KIAA1217: variants seen among roughly 807,000 people sequenced by gnomAD.
KIAA1217 encodes the protein sickle tail protein homolog.
Under a neutral mutation model 163.9 loss-of-function variants are expected in KIAA1217, and 88 were observed. The observed-to-expected ratio is 0.54, with a 90% confidence interval of 0.45 to 0.64. The LOEUF (loss-of-function observed/expected upper bound fraction) is 0.64, where lower values mean the gene tolerates loss of function less well. Among genes scored for constraint, KIAA1217 ranks in the 30% least tolerant of loss-of-function variants. The pLI, the probability that KIAA1217 is intolerant of heterozygous loss-of-function variation, is 0.00. For synonymous variants in KIAA1217, 903 were observed against 923.1 expected (o/e 0.98, Z 0.39); for missense variants, 2,372 against 2,475.0 (o/e 0.96, Z 0.88).
intron 1 of KIAA1217, among the ~76,000 whole-genome samples, chr10:23,851,616 T>G (rs1374493983): frequency 2.0e-5 from 3 of 152,270 alleles, no homozygotes; most frequent in Middle Eastern, 3.4e-3. Context: ...TGAACTAGTT[T>G]ACAGTCCCAC....
At chr10:23,866,436 C>A (rs1840188652) in intron 1 of KIAA1217, among the ~76,000 whole-genome samples, 2 of 152,150 alleles carry the variant, frequency 1.3e-5, no homozygotes, top group African/African-American at 4.8e-5. Context: ...TTTCTAAAGA[C>A]ATGATGTTTC....
chr10:24,004,073 G>A (rs966643654), intron 1 of KIAA1217, among the ~76,000 whole-genome samples: 2 of 152,038 alleles, frequency 1.3e-5, no homozygotes, highest in African/African-American at 4.8e-5. Context: ...TCGGCTTCCC[G>A]GTTCCAAGCG....
chr10:24,433,271 G>T (rs3215904), intron 4 of KIAA1217, 78 bp downstream of exon 4: 157,529 of 1,021,524 alleles, frequency 0.15, 14,359 homozygotes, highest in East Asian at 0.34. Context: ...TTTTTGAGGG[G>T]TTTTTTTTTA....
At chr10:24,059,918 C>T (rs980822134) in intron 2 of KIAA1217, among the ~76,000 whole-genome samples, 2 of 152,128 alleles carry the variant, frequency 1.3e-5, no homozygotes, top group African/African-American at 4.8e-5. Flanking sequence ...CTGTATGTTT[C>T]TAGGAATGTA....
intron 1 of KIAA1217, among the ~76,000 whole-genome samples, chr10:23,857,155 G>T (rs947180644): frequency 6.6e-6 from 1 of 152,060 alleles, no homozygotes; most frequent in South Asian, 2.1e-4. Flanking sequence ...CCATCTTGGC[G>T]CTCTCTCAGG....
At chr10:23,817,281 A>G (rs1198388343) in intron 1 of KIAA1217, among the ~76,000 whole-genome samples, 1 of 152,212 alleles carries the variant, frequency 6.6e-6, no homozygotes, top group Non-Finnish European at 1.5e-5. Flanking sequence ...TGATATATAC[A>G]AATGACTTCT....
At chr10:24,040,657 A>G (rs1848592406) in intron 2 of KIAA1217, among the ~76,000 whole-genome samples, 1 of 152,178 alleles carries the variant, frequency 6.6e-6, no homozygotes, top group Admixed American at 6.5e-5. Flanking sequence ...TCATAATATT[A>G]AGGGTTTACT....
chr10:24,250,177 A>G (rs1180622548), intron 2 of KIAA1217, among the ~76,000 whole-genome samples: 1 of 152,136 alleles, frequency 6.6e-6, no homozygotes, highest in East Asian at 1.9e-4. Context: ...TTTGTTAAGC[A>G]ACCTTCTTCC....
At chr10:24,225,249 C>T (rs2070356491) in intron 2 of KIAA1217, among the ~76,000 whole-genome samples, 1 of 152,152 alleles carries the variant, frequency 6.6e-6, no homozygotes, top group Admixed American at 6.5e-5. Flanking sequence ...CCTTAGCCTC[C>T]TGAGTAGCAA....
At chr10:23,807,630 A>G (rs1836805055) in intron 1 of KIAA1217, among the ~76,000 whole-genome samples, 1 of 152,238 alleles carries the variant, frequency 6.6e-6, no homozygotes, top group African/African-American at 2.4e-5. Flanking sequence ...GAAGGATAGG[A>G]TGAATATGGC....
chr10:23,900,529 T>C (rs950991955), intron 1 of KIAA1217, among the ~76,000 whole-genome samples: 9 of 152,126 alleles, frequency 5.9e-5, no homozygotes, highest in Admixed American at 5.2e-4. Context: ...TAGATGATCA[T>C]TGGATATTTA....
At chr10:24,051,508 C>CAT (rs1386262846) in intron 2 of KIAA1217, among the ~76,000 whole-genome samples, 3 of 152,086 alleles carry the variant, frequency 2.0e-5, no homozygotes, top group Non-Finnish European at 4.4e-5. Flanking sequence ...CCACTATAAA[C>CAT]ATATTTCCTT....
At chr10:23,757,082 A>G (rs1267555648) in intron 1 of KIAA1217, among the ~76,000 whole-genome samples, 1 of 152,106 alleles carries the variant, frequency 6.6e-6, no homozygotes, top group Non-Finnish European at 1.5e-5. Context: ...ATAATGTTCC[A>G]TTGTATGTGT....
At chr10:24,437,381 G>C (rs2060129574) in intron 4 of KIAA1217, among the ~76,000 whole-genome samples, 2 of 152,204 alleles carry the variant, frequency 1.3e-5, no homozygotes, top group African/African-American at 4.8e-5. Context: ...AGAAAGAGAA[G>C]ACTAGTCCAA....
At position 24,545,950 on chromosome 10, in the gene KIAA1217, G is replaced by C. The variant is rs762009504; in HGVS notation, c.5458G>C (p.Gly1820Arg). The change falls in exon 21 of 21, where the codon GGT (glycine) becomes CGT (arginine). Residue 1820 changes from glycine to arginine, a missense_variant. By Grantham distance (125) the Gly-to-Arg change is moderately radical (BLOSUM62 -2). Coordinates refer to ENST00000376454, the MANE Select transcript of KIAA1217 (RefSeq NM_019590.5). ...GKSSSLPSSS[G>R]DSSNLPNPPA... ...AAGCAGTTCTCTGCCCTCTTCTAGT[G>C]GTGACAGCTCTAACCTCCCTAATCC... is the stretch of plus-strand genomic sequence containing the variant. The C allele has an allele frequency of 1.9e-6, 3 of 1,614,090 alleles. No individual in the cohort carries two copies. The highest frequency in any genetic ancestry group is 2.5e-6 in the Non-Finnish European group (3 of 1,180,030).
intron 1 of KIAA1217, among the ~76,000 whole-genome samples, chr10:23,933,742 C>T (rs964922422): frequency 2.6e-5 from 4 of 152,092 alleles, no homozygotes; most frequent in Admixed American, 2.6e-4. Flanking sequence ...TGAACTGACA[C>T]TTCTCAAAAG....
At chr10:24,043,419 G>A (rs778122357) in intron 2 of KIAA1217, among the ~76,000 whole-genome samples, 4 of 151,890 alleles carry the variant, frequency 2.6e-5, no homozygotes, top group Admixed American at 1.3e-4. Flanking sequence ...AAACAAATAC[G>A]CAATGATATA....
At chr10:24,113,554 C>T (rs1028983446) in intron 2 of KIAA1217, among the ~76,000 whole-genome samples, 1 of 152,168 alleles carries the variant, frequency 6.6e-6, no homozygotes, top group African/African-American at 2.4e-5. Flanking sequence ...AGGAATTTTG[C>T]TCGCAAAATC....
intron 2 of KIAA1217, among the ~76,000 whole-genome samples, chr10:24,229,228 A>T (rs1274624451): frequency 6.6e-6 from 1 of 152,354 alleles, no homozygotes; most frequent in African/African-American, 2.4e-5. Context: ...TACACTGTTC[A>T]GTAAGTCGCA....
Sources: gnomAD v4.1 joint callset for allele counts (sites outside exome capture counted in the v4.1 genomes callset) on GRCh38, gnomAD v4.1.1 for gene constraint, MANE v1.5 for transcripts, NCBI Gene and HGNC (gene_info 2026-07-23, HGNC 2026-07-21) for gene names.